Variants in UBE2D3 observed in about 807,000 individuals in gnomAD.
UBE2D3 encodes the protein ubiquitin-conjugating enzyme E2 D3.
A neutral mutation model predicts 22.8 loss-of-function variants in UBE2D3; 2 were observed. That is an observed-to-expected ratio of 0.09 (90% confidence interval 0.04 to 0.28). The LOEUF is 0.28. UBE2D3 is among the 10% of genes least tolerant of loss of function. The pLI is 1.00. For missense variants in UBE2D3, 27 were observed against 182.5 expected, an observed-to-expected ratio of 0.15 and a Z score of 4.91; for synonymous variants, 56 against 60.4, an observed-to-expected ratio of 0.93 and a Z score of 0.34.
chr4:102,827,252 T>A, intron 1 of UBE2D3, 175 bp downstream of exon 1: 1 of 960,140 alleles, frequency 1.0e-6, no homozygotes, highest in South Asian at 4.8e-5. Flanking sequence ...GACGCGCCCA[T>A]TCCCCCTCCT....
chr4:102,799,498 G>A lies in UBE2D3; in HGVS notation c.307C>T (p.Leu103Phe). 6.2e-7 allele frequency: 1 copy of A among 1,604,128 alleles called. No individual in the cohort carries two copies. The change falls in exon 7 of 8, where the codon CTT becomes TTT. Residue 103 changes from leucine to phenylalanine, a missense_variant and splice_region_variant. Physicochemically the swap from Leu to Phe is conservative, Grantham distance 22. Transcript: ENST00000453744. Reference protein sequence around the residue: ...WSPALTISKVLLSICSLLCDP... With the variant: ...WSPALTISKVFLSICSLLCDP... ...CATAGCAGTGAACAAATGGATAAAA[G>A]AACTGCAAGAAAACAAAAACATCTG...
chr4:102,859,604 T>C (rs1206324672), intron 1 of UBE2D3, among the ~76,000 whole-genome samples: 1 of 151,976 alleles, frequency 6.6e-6, no homozygotes, highest in Admixed American at 6.6e-5. Flanking sequence ...ATTATTTCTT[T>C]AAATAAGCAA....
At chr4:102,819,329 C>CAAAA (rs762178343) in intron 2 of UBE2D3, among the ~76,000 whole-genome samples, 2 of 85,474 alleles carry the variant, frequency 2.3e-5, no homozygotes, top group African/African-American at 3.7e-5. Flanking sequence ...GACTCCGCCT[C>CAAAA]AAAAAAAAAA....
rs543070373 is a variant in UBE2D3, at chr4:102,823,537, G to A, written c.24+2948C>T. ...AACAGGGTGTATACAATGAAAACATGAGCTATTCTTTTAGGCTTGGTTCAC... is the reference window on the plus strand; with the variant it reads ...AACAGGGTGTATACAATGAAAACATAAGCTATTCTTTTAGGCTTGGTTCAC... On this transcript the variant is annotated intron_variant, in intron 2 of 7. Transcript: ENST00000453744. 6.4e-4 allele frequency among the ~76,000 whole-genome samples: 97 copies of A among 152,270 alleles called. 1 individual carries two copies. The highest frequency in any genetic ancestry group is 2.3e-3 in the African/African-American group (94 of 41,562).
upstream of UBE2D3, among the ~76,000 whole-genome samples, chr4:102,830,409 C>T (rs1308636726): frequency 5.9e-5 from 9 of 152,252 alleles, no homozygotes; most frequent in Admixed American, 5.9e-4. Context: ...GAAAAATTTA[C>T]ATTTAGAAAT....
At chr4:102,842,149 G>A (rs1731789120) in intron 1 of UBE2D3, among the ~76,000 whole-genome samples, 1 of 150,982 alleles carries the variant, frequency 6.6e-6, no homozygotes, top group African/African-American at 2.4e-5. Context: ...TATTACCGTA[G>A]ATCTAGATAT....
chr4:102,806,495 A>G (rs1300973487), intron 4 of UBE2D3, among the ~76,000 whole-genome samples: 1 of 152,086 alleles, frequency 6.6e-6, no homozygotes, highest in Non-Finnish European at 1.5e-5. Context: ...TGACATAATA[A>G]TACACTTGAA....
chr4:102,814,566 GT>G (rs1728536209), intron 2 of UBE2D3, among the ~76,000 whole-genome samples: 1 of 150,682 alleles, frequency 6.6e-6, no homozygotes, highest in African/African-American at 2.4e-5. Flanking sequence ...GCCTCCCAAA[GT>G]GCTAGGAATA....
intron 1 of UBE2D3, among the ~76,000 whole-genome samples, chr4:102,867,416 T>C (rs778201477): frequency 1.1e-4 from 16 of 152,154 alleles, no homozygotes; most frequent in Non-Finnish European, 2.2e-4. Flanking sequence ...GAACTGTAAA[T>C]AATGAGGCAT....
intron 2 of UBE2D3, among the ~76,000 whole-genome samples, chr4:102,817,464 T>C (rs139519224): frequency 6.6e-6 from 1 of 152,210 alleles, no homozygotes; most frequent in African/African-American, 2.4e-5. Context: ...AATGATTACA[T>C]TCAAGCATAG....
intron 2 of UBE2D3, chr4:102,811,815 G>A (rs561350441): frequency 6.8e-6 from 3 of 437,980 alleles, no homozygotes; most frequent in African/African-American, 2.1e-5. Context: ...GCAGGAGTTC[G>A]AGACCAGCTT....
Position 102,794,525 on chromosome 4 carries a change from A to G in UBE2D3, c.*2890T>C, listed in dbSNP as rs1460598160. 1 of 152,144 alleles carries G rather than the reference A, an allele frequency of 6.6e-6. No homozygotes were observed. Among genetic ancestry groups the G allele is most frequent in the African/African-American group, 2.4e-5 (1 of 41,464 alleles). 9.4% of individuals were successfully genotyped at this position (152,144 alleles called of 1,614,324 possible). On this transcript the variant is annotated 3_prime_UTR_variant, in exon 8 of 8. Transcript: ENST00000453744. ...CTCATAAAAGACAAATTCACTTAAA[A>G]GTGTAATCAACAATCATTAACAGTT...
intron 1 of UBE2D3, chr4:102,868,634 C>A: frequency 6.2e-7 from 1 of 1,601,078 alleles, no homozygotes. Context: ...GGCGAGTATG[C>A]AACCCTAGGG....
intron 2 of UBE2D3, among the ~76,000 whole-genome samples, chr4:102,813,797 A>C (rs904130507): frequency 2.6e-5 from 4 of 152,190 alleles, no homozygotes; most frequent in Admixed American, 2.6e-4. Context: ...AATAAACAAC[A>C]CTGCAGGAAA....
chr4:102,809,912 A>AT (rs1414952177), intron 2 of UBE2D3, 57 bp from the exon 3 acceptor site: 5 of 392,528 alleles, frequency 1.3e-5, no homozygotes, highest in Non-Finnish European at 1.7e-5. Flanking sequence ...AAAACAAGCA[A>AT]ATGAGTCCAC....
chr4:102,823,917 C>T (rs1009461606), intron 2 of UBE2D3, among the ~76,000 whole-genome samples: 1 of 152,090 alleles, frequency 6.6e-6, no homozygotes, highest in Non-Finnish European at 1.5e-5. Context: ...GACCTTCAGA[C>T]AAGAATAAAT....
intron 1 of UBE2D3, among the ~76,000 whole-genome samples, chr4:102,855,368 T>C (rs1379395545): frequency 6.6e-6 from 1 of 152,174 alleles, no homozygotes; most frequent in Non-Finnish European, 1.5e-5. Context: ...TTCTACAACA[T>C]GTACCAACAG....
At chr4:102,824,775 C>G (rs900968455) in intron 2 of UBE2D3, among the ~76,000 whole-genome samples, 1 of 152,170 alleles carries the variant, frequency 6.6e-6, no homozygotes, top group African/African-American at 2.4e-5. Context: ...GAACTAATTC[C>G]AACAGAAAAG....
At chr4:102,828,317 G>C (rs763441748), upstream of UBE2D3, 5 of 970,206 alleles carry the variant, frequency 5.2e-6, no homozygotes, top group Non-Finnish European at 6.1e-6. Context: ...CGGTGGAGCA[G>C]GTGAGCAGTA....
Sources: allele counts gnomAD v4.1 joint callset (sites outside exome capture counted in the v4.1 genomes callset), GRCh38; gene constraint gnomAD v4.1.1; transcripts MANE v1.5; gene names NCBI Gene and HGNC (gene_info 2026-07-23, HGNC 2026-07-21).